The following FHL2 variants were observed in gnomAD, a reference collection of about 807,000 sequenced individuals.
FHL2 encodes the protein four and a half LIM domains 2.
FHL2 carries 20 observed loss-of-function variants against 32.7 expected under a neutral mutation model. The ratio of observed to expected loss-of-function variants is 0.61; its 90% CI spans 0.43 to 0.89. The LOEUF is 0.89. Among genes scored for constraint, FHL2 ranks in the 40% least tolerant of loss-of-function variants. FHL2 has a pLI of 0.00. For synonymous variants in FHL2, 123 were observed against 128.1 expected (o/e 0.96, Z 0.27); for missense variants, 311 against 358.6 (o/e 0.87, Z 1.07).
intron 1 of FHL2, among the ~76,000 whole-genome samples, chr2:105,415,762 G>A (rs1053079918): frequency 1.3e-5 from 2 of 152,110 alleles, no homozygotes; most frequent in African/African-American, 4.8e-5. Context: ...TAAAAGCACC[G>A]GGATTCCTGT....
intron 1 of FHL2, among the ~76,000 whole-genome samples, chr2:105,429,921 C>T (rs957145023): frequency 4.6e-5 from 7 of 152,180 alleles, no homozygotes; most frequent in Non-Finnish European, 8.8e-5. Flanking sequence ...CTGTTAGTGC[C>T]TCCTTGAATC....
intron 4 of FHL2, among the ~76,000 whole-genome samples, chr2:105,370,239 G>A (rs1680949459): frequency 2.0e-5 from 3 of 152,124 alleles, no homozygotes; most frequent in Non-Finnish European, 4.4e-5. Flanking sequence ...GGCGGGTGTG[G>A]TGGTGTGTGC....
At chr2:105,416,436 A>G (rs1683941266) in intron 1 of FHL2, among the ~76,000 whole-genome samples, 1 of 152,244 alleles carries the variant, frequency 6.6e-6, no homozygotes, top group Non-Finnish European at 1.5e-5. Context: ...AAAGAGAAAT[A>G]TCTTGATAGC....
At chr2:105,374,069 T>C in intron 3 of FHL2, 1 of 333,268 alleles carries the variant, frequency 3.0e-6, no homozygotes, top group South Asian at 2.9e-5. Flanking sequence ...TATCAATTCG[T>C]CTCACACCAC....
At chr2:105,430,778 A>G (rs1684408895) in intron 1 of FHL2, among the ~76,000 whole-genome samples, 1 of 152,220 alleles carries the variant, frequency 6.6e-6, no homozygotes, top group South Asian at 2.1e-4. Flanking sequence ...CTAAGACCTC[A>G]TTCCACAGAG....
At chr2:105,388,820 C>T (rs890776115) in intron 2 of FHL2, among the ~76,000 whole-genome samples, 4 of 146,756 alleles carry the variant, frequency 2.7e-5, no homozygotes, top group East Asian at 4.1e-4. Flanking sequence ...GGCAACAGAG[C>T]GAGACTCCGT....
chr2:105,421,462 A>T (rs1480727001), intron 1 of FHL2, among the ~76,000 whole-genome samples: 1 of 152,206 alleles, frequency 6.6e-6, no homozygotes, highest in Non-Finnish European at 1.5e-5. Context: ...AAAGACAAAC[A>T]CTATTCTCTT....
At chr2:105,428,927 A>G (rs1355493297) in intron 1 of FHL2, among the ~76,000 whole-genome samples, 3 of 152,164 alleles carry the variant, frequency 2.0e-5, no homozygotes, top group Non-Finnish European at 4.4e-5. Flanking sequence ...TACTTTTATC[A>G]AACGTCTGTG....
intron 3 of FHL2, among the ~76,000 whole-genome samples, chr2:105,383,784 G>A (rs900297628): frequency 6.6e-5 from 10 of 152,256 alleles, no homozygotes; most frequent in South Asian, 2.1e-4. Flanking sequence ...CCAACTACCC[G>A]ATTATTTTTG....
intron 2 of FHL2, among the ~76,000 whole-genome samples, chr2:105,392,711 G>A (rs1682813499): frequency 6.6e-6 from 1 of 150,658 alleles, no homozygotes; most frequent in African/African-American, 2.4e-5. Flanking sequence ...AACAGAAAGA[G>A]TAAAGAGAAG....
intron 1 of FHL2, among the ~76,000 whole-genome samples, chr2:105,434,426 G>A (rs1436565072): frequency 1.3e-5 from 2 of 152,190 alleles, no homozygotes; most frequent in Non-Finnish European, 2.9e-5. Context: ...ACAAAAATTA[G>A]CAGTGGTGGC....
At chr2:105,399,424 G>A (rs923602977), upstream of FHL2, 14 of 1,536,080 alleles carry the variant, frequency 9.1e-6, no homozygotes, top group African/African-American at 1.9e-4. Flanking sequence ...TGCCGGGGGA[G>A]GCGGAGGGAG....
chr2:105,402,316 G>T (rs1376447714), upstream of FHL2, among the ~76,000 whole-genome samples: 3 of 151,664 alleles, frequency 2.0e-5, no homozygotes, highest in Admixed American at 2.0e-4. Flanking sequence ...GCACTGTCTT[G>T]GCTCACTGAA....
At chr2:105,408,504 C>T (rs1683702251) in intron 1 of FHL2, among the ~76,000 whole-genome samples, 1 of 152,220 alleles carries the variant, frequency 6.6e-6, no homozygotes, top group African/African-American at 2.4e-5. Context: ...ACAGCCTTCC[C>T]TTACGAGAAG....
At chr2:105,437,986 T>C (rs1000327125) in intron 1 of FHL2, among the ~76,000 whole-genome samples, 1 of 152,118 alleles carries the variant, frequency 6.6e-6, no homozygotes, top group African/African-American at 2.4e-5. Context: ...TCAAGTGCAC[T>C]GTGGTTTTCT....
At chr2:105,394,401 C>G (rs1172808977) in intron 2 of FHL2, among the ~76,000 whole-genome samples, 1 of 149,644 alleles carries the variant, frequency 6.7e-6, no homozygotes, top group East Asian at 1.9e-4. Context: ...GACCCGGTCT[C>G]TAAAAAAAAA....
intron 1 of FHL2, among the ~76,000 whole-genome samples, chr2:105,419,683 T>G (rs1684041267): frequency 6.6e-6 from 1 of 152,198 alleles, no homozygotes; most frequent in Non-Finnish European, 1.5e-5. Flanking sequence ...CTCTGCAAAT[T>G]TATCACCCTT....
At chr2:105,404,663 CA>C (rs1683572100) in intron 1 of FHL2, among the ~76,000 whole-genome samples, 1 of 152,164 alleles carries the variant, frequency 6.6e-6, no homozygotes, top group Admixed American at 6.5e-5. Flanking sequence ...TTGCAGGATC[CA>C]AACTTTGTTT....
chr2:105,373,654 G>A lies in FHL2; in HGVS notation c.236C>T (p.Pro79Leu), dbSNP rs751868181. The A allele has an allele frequency of 1.2e-6, 2 of 1,614,170 alleles. No individual in the cohort carries two copies. Among genetic ancestry groups the A allele is most frequent in the Admixed American group, 1.7e-5 (1 of 60,024 alleles). ...CAGCTGGTCCTCCTTGGCAGCAAAG[G>A]GCTTGTCCACCAGTGAGTTTCTGCA... The part of the protein sequence containing the change: ...SQCRNSLVDK[P>L]FAAKEDQLLC... Residue 79 changes from proline (P) to leucine (L), a missense_variant, in exon 4 of 7, where the codon CCC (proline) becomes CTC (leucine). By Grantham distance (98) the Pro-to-Leu change is moderately conservative. Transcript: ENST00000530340.
Sources: gnomAD v4.1 joint callset for allele counts (sites outside exome capture counted in the v4.1 genomes callset) on GRCh38, gnomAD v4.1.1 for gene constraint, MANE v1.5 for transcripts, NCBI Gene and HGNC (gene_info 2026-07-23, HGNC 2026-07-21) for gene names.